The following TNIK variants were observed in gnomAD, a reference collection of about 807,000 sequenced individuals.
TNIK encodes TRAF2 and NCK interacting kinase.
In TNIK, 49 loss-of-function variants were observed where a neutral mutation model predicts 191.3. That is an observed-to-expected ratio of 0.26 (90% CI 0.20 to 0.32). TNIK has a LOEUF of 0.32. Ranked by LOEUF, TNIK falls within the 10% of genes least tolerant of loss-of-function variation. The probability of loss-of-function intolerance (pLI) is 1.00; values close to 1 mark genes in which losing one functional copy is unlikely to be tolerated. For synonymous variants in TNIK, 594 were observed against 600.9 expected (o/e 0.99, Z 0.17); for missense variants, 1,155 against 1,702.3 (o/e 0.68, Z 5.66).
At chr3:171,408,810 G>A (rs1283365316) in intron 1 of TNIK, among the ~76,000 whole-genome samples, 3 of 152,134 alleles carry the variant, frequency 2.0e-5, no homozygotes, top group Non-Finnish European at 2.9e-5. Flanking sequence ...AATATCAGGC[G>A]CCTCAACTGC....
chr3:171,217,334 G>T (rs1741568341), intron 3 of TNIK, among the ~76,000 whole-genome samples: 1 of 152,214 alleles, frequency 6.6e-6, no homozygotes, highest in Non-Finnish European at 1.5e-5. Flanking sequence ...ACTTATGAAT[G>T]GGTGCTAAGC....
intron 1 of TNIK, among the ~76,000 whole-genome samples, chr3:171,407,808 C>T (rs1443794566): frequency 1.3e-5 from 2 of 152,164 alleles, no homozygotes; most frequent in Non-Finnish European, 2.9e-5. Flanking sequence ...TTTCAACAGG[C>T]GCCCATCTAT....
Position 171,066,202 on chromosome 3 carries a change from A to C in TNIK, c.3984T>G (p.Cys1328Trp). The C allele has an allele frequency of 6.2e-7, 1 of 1,613,686 alleles. No individual in the cohort carries two copies. ...ACGGATTTACCTTATCATTTCTTTCACATAGAAACTTTAACCTTTGAGCTC... is the reference window on the plus strand; with the variant it reads ...ACGGATTTACCTTATCATTTCTTTCCCATAGAAACTTTAACCTTTGAGCTC... ...HKRAQRLKFL[C>W]ERNDKVFFAS... The change falls in exon 32 of 33, where the codon TGT becomes TGG. Residue 1328 changes from cysteine (C) to tryptophan (W), a missense_variant. Coordinates refer to ENST00000436636, the MANE Select transcript of TNIK (RefSeq NM_015028.4).
chr3:171,253,484 C>T (rs930442368), intron 2 of TNIK, among the ~76,000 whole-genome samples: 1 of 151,784 alleles, frequency 6.6e-6, no homozygotes, highest in African/African-American at 2.4e-5. Flanking sequence ...CAACTTGCTC[C>T]TCTGCCTCCC....
chr3:171,245,449 G>T (rs1027073785), intron 2 of TNIK, among the ~76,000 whole-genome samples: 2 of 151,452 alleles, frequency 1.3e-5, no homozygotes, highest in Non-Finnish European at 2.9e-5. Flanking sequence ...AAAAATAAAA[G>T]AAACAACATT....
At chr3:171,122,254 G>A (rs143128196) in intron 18 of TNIK, among the ~76,000 whole-genome samples, 276 of 152,292 alleles carry the variant, frequency 1.8e-3, no homozygotes, top group African/African-American at 6.5e-3. Context: ...AATGAACAGA[G>A]CCCCCGGGGG....
At chr3:171,199,671 T>C (rs1294592089) in intron 4 of TNIK, among the ~76,000 whole-genome samples, 1 of 152,224 alleles carries the variant, frequency 6.6e-6, no homozygotes, top group Non-Finnish European at 1.5e-5. Flanking sequence ...TTACTAGTTA[T>C]GTGTCCTTGG....
chr3:171,309,172 T>A (rs1753763070), intron 2 of TNIK, among the ~76,000 whole-genome samples: 1 of 115,696 alleles, frequency 8.6e-6, no homozygotes. Context: ...ATTGGTAGAC[T>A]GGAAAAAAAA....
intron 2 of TNIK, among the ~76,000 whole-genome samples, chr3:171,273,171 G>A (rs1415047512): frequency 6.6e-6 from 1 of 152,186 alleles, no homozygotes; most frequent in Non-Finnish European, 1.5e-5. Flanking sequence ...GGGTGCTAGA[G>A]TCAGCCCACT....
At chr3:171,094,781 C>G (rs1722508735) in intron 22 of TNIK, among the ~76,000 whole-genome samples, 1 of 152,102 alleles carries the variant, frequency 6.6e-6, no homozygotes. Context: ...TCCCAACAGC[C>G]CCTCTTCTTT....
At chr3:171,258,456 GTT>G (rs1273333650) in intron 2 of TNIK, among the ~76,000 whole-genome samples, 1 of 152,134 alleles carries the variant, frequency 6.6e-6, no homozygotes, top group East Asian at 1.9e-4. Flanking sequence ...TCTTCTAGCT[GTT>G]TTCTAATTCC....
chr3:171,140,452 A>G lies in TNIK; in HGVS notation c.1279T>C (p.Tyr427His), dbSNP rs1343547409. The G allele has an allele frequency of 6.2e-7, 1 of 1,611,844 alleles. No individual in the cohort carries two copies. The highest frequency in any genetic ancestry group is 8.5e-7 in the Non-Finnish European group (1 of 1,178,996). ...TCCTCCCGGCGCATCTGCTCCTCAT[A>G]GTGCCGGCGCTGCTCCCTCTCCTGC... ...KQQEREQRRHYEEQMRREEER... is the reference protein window; with the variant it reads ...KQQEREQRRHHEEQMRREEER... The change falls in exon 13 of 33, where the codon TAT becomes CAT. Residue 427 changes from tyrosine (Y) to histidine (H), a missense_variant. Tyr to His is a moderately conservative substitution (Grantham distance 83). This residue lies in a region of TNIK where 735 missense variants were observed against 848.0 expected (regional missense o/e 0.87). Transcript: ENST00000436636.
At chr3:171,074,282 G>A (rs1455126283) in intron 28 of TNIK, among the ~76,000 whole-genome samples, 1 of 152,136 alleles carries the variant, frequency 6.6e-6, no homozygotes, top group African/African-American at 2.4e-5. Flanking sequence ...GTCAACACAT[G>A]TTCTCACTTA....
chr3:171,131,985 A>C (rs4955770), intron 15 of TNIK, among the ~76,000 whole-genome samples: 150,225 of 152,344 alleles, frequency 0.99, 74,082 homozygotes, highest in East Asian at 1. Flanking sequence ...TCCCTCCAAA[A>C]CCTCTCCCAT....
chr3:171,152,777 T>C (rs547415530), intron 12 of TNIK, among the ~76,000 whole-genome samples: 1 of 7,590 alleles, frequency 1.3e-4, no homozygotes, highest in Non-Finnish European at 1.9e-4. Context: ...TTGTTTTTTG[T>C]TTTTTTTTTT....
intron 1 of TNIK, among the ~76,000 whole-genome samples, chr3:171,430,409 G>T (rs1443029059): frequency 6.6e-6 from 1 of 152,138 alleles, no homozygotes; most frequent in Admixed American, 6.5e-5. Flanking sequence ...GGAGGCTGAG[G>T]TGGGAGGATC....
At chr3:171,092,400 A>G (rs774010347) in intron 23 of TNIK, among the ~76,000 whole-genome samples, 15 of 152,198 alleles carry the variant, frequency 9.9e-5, no homozygotes, top group East Asian at 1.9e-4. Context: ...AGACTCAAGC[A>G]AATTTTAAGC....
intron 2 of TNIK, among the ~76,000 whole-genome samples, chr3:171,246,588 T>C (rs943263148): frequency 6.6e-6 from 1 of 152,212 alleles, no homozygotes; most frequent in Non-Finnish European, 1.5e-5. Context: ...TCATTTGACT[T>C]CTGCATTTTC....
intron 1 of TNIK, among the ~76,000 whole-genome samples, chr3:171,436,192 G>GACCTTCCCTCCATCTGGTCCACTTCCCTC (rs1553777988): frequency 1.3e-5 from 2 of 149,942 alleles, no homozygotes; most frequent in Admixed American, 6.6e-5. Flanking sequence ...CTACCCTGGT[G>GACCTTCCCTCCATCTGGTCCACTTCCCTC]CTCTGACAAT....
Sources: allele counts gnomAD v4.1 joint callset (sites outside exome capture counted in the v4.1 genomes callset), GRCh38; gene constraint gnomAD v4.1.1; regional missense constraint gnomAD v4.1.1; transcripts MANE v1.5; gene names NCBI Gene and HGNC (gene_info 2026-07-23, HGNC 2026-07-21).